LDLRAD4: variants seen among roughly 807,000 people sequenced by gnomAD.
The protein encoded by LDLRAD4 is low-density lipoprotein receptor class A domain-containing protein 4.
Under a neutral mutation model 17.0 loss-of-function variants are expected in LDLRAD4, and 5 were observed. That is an observed-to-expected ratio of 0.29 (90% CI 0.15 to 0.62). LDLRAD4 has a LOEUF of 0.62. Ranked by LOEUF, LDLRAD4 falls within the 20% of genes least tolerant of loss-of-function variation. The pLI, the probability that LDLRAD4 is intolerant of heterozygous loss-of-function variation, is 0.84. For synonymous variants in LDLRAD4, 168 were observed against 171.8 expected (o/e 0.98, Z 0.17); for missense variants, 340 against 424.7 (o/e 0.80, Z 1.75).
intron 3 of LDLRAD4, among the ~76,000 whole-genome samples, chr18:13,455,410 T>C (rs1426201200): frequency 6.6e-6 from 1 of 152,196 alleles, no homozygotes; most frequent in Non-Finnish European, 1.5e-5. Flanking sequence ...TGCTTTTTCC[T>C]GGGTTTGATG....
At chr18:13,516,796 T>A (rs2147573314) in intron 3 of LDLRAD4, among the ~76,000 whole-genome samples, 1 of 152,142 alleles carries the variant, frequency 6.6e-6, no homozygotes, top group African/African-American at 2.4e-5. Context: ...TGAAGGAGAG[T>A]GGCCTTATAT....
intron 2 of LDLRAD4, among the ~76,000 whole-genome samples, chr18:13,432,752 T>C: frequency 6.6e-6 from 1 of 152,264 alleles, no homozygotes; most frequent in East Asian, 1.9e-4. Context: ...GGTCTGGCTC[T>C]GTTGCCCAGG....
In LDLRAD4 at chr18:13,337,641, A is replaced by G. The variant is rs115690835; in HGVS notation, c.-382-49700A>G. Among the ~76,000 whole-genome samples the G allele has an allele frequency of 6.3e-3, 959 of 151,914 alleles. 9 individuals are homozygous for G. Among genetic ancestry groups the G allele is most frequent in the African/African-American group, 0.022 (901 of 41,312 alleles). On this transcript the variant is annotated intron_variant, in intron 1 of 5. Coordinates refer to ENST00000359446, the Ensembl canonical transcript of LDLRAD4. ...CGGGGGGCAGTGGCTCACACCTGTA[A>G]TATCAGCAACTTGGGAGGCCAAGGT... is the stretch of plus-strand genomic sequence containing the variant.
chr18:13,357,784 C>T (rs919777259), intron 1 of LDLRAD4, among the ~76,000 whole-genome samples: 6 of 152,110 alleles, frequency 3.9e-5, no homozygotes, highest in Admixed American at 3.9e-4. Context: ...CCTTCATCTA[C>T]CATTTGGTTA....
intron 3 of LDLRAD4, among the ~76,000 whole-genome samples, chr18:13,524,477 A>T (rs2093999595): frequency 6.6e-6 from 1 of 152,214 alleles, no homozygotes; most frequent in Admixed American, 6.5e-5. Context: ...TTAGTCTGTT[A>T]TCTGGGAACA....
intron 3 of LDLRAD4, among the ~76,000 whole-genome samples, chr18:13,584,120 C>T (rs2094903735): frequency 6.6e-6 from 1 of 152,200 alleles, no homozygotes; most frequent in South Asian, 2.1e-4. Context: ...CAGGGGAAAG[C>T]CTGTGACCGG....
intron 1 of LDLRAD4, among the ~76,000 whole-genome samples, chr18:13,379,100 C>G (rs544924247): frequency 2.6e-5 from 4 of 152,330 alleles, no homozygotes; most frequent in South Asian, 4.1e-4. Context: ...ATTTTACAGC[C>G]AAGGAAACTG....
At chr18:13,639,737 G>GTGGGT (rs2042366905) in intron 4 of LDLRAD4, among the ~76,000 whole-genome samples, 2 of 152,066 alleles carry the variant, frequency 1.3e-5, no homozygotes, top group Admixed American at 6.5e-5. Context: ...GAAAGGCCTG[G>GTGGGT]GAAAAAAAGT....
intron 3 of LDLRAD4, chr18:13,483,958 C>A (rs528308886): frequency 6.6e-6 from 1 of 152,566 alleles, no homozygotes; most frequent in Non-Finnish European, 1.5e-5. Flanking sequence ...ACCCCTGGGC[C>A]CCCTGCTTAG....
At chr18:13,334,966 T>C (rs932725146) in intron 1 of LDLRAD4, among the ~76,000 whole-genome samples, 8 of 152,358 alleles carry the variant, frequency 5.3e-5, no homozygotes, top group African/African-American at 1.9e-4. Flanking sequence ...ATTATTGATA[T>C]GACAATTATG....
chr18:13,609,015 G>A lies in LDLRAD4; in HGVS notation c.182-12102G>A, dbSNP rs74954090. Among the ~76,000 whole-genome samples, 258 of 85,108 alleles carry A rather than the reference G, an allele frequency of 3.0e-3. 5 individuals are homozygous for A. The highest frequency in any genetic ancestry group is 8.1e-3 in the African/African-American group (250 of 30,796). 55.8% of individuals were successfully genotyped at this position (85,108 alleles called of 152,430 possible). Reference sequence around the variant, plus strand: ...AGATGCCTCCTAAGCTCTGAGATGCGTTGGTGACTGCACAAAACTCATATT... The same window carrying A: ...AGATGCCTCCTAAGCTCTGAGATGCATTGGTGACTGCACAAAACTCATATT... On this transcript the variant is annotated intron_variant, in intron 3 of 5. Coordinates refer to ENST00000359446, the Ensembl canonical transcript of LDLRAD4.
At chr18:13,503,980 C>T (rs904319346) in intron 3 of LDLRAD4, among the ~76,000 whole-genome samples, 12 of 152,012 alleles carry the variant, frequency 7.9e-5, no homozygotes, top group Admixed American at 3.3e-4. Context: ...ACATGCCAGG[C>T]GCTTTGTAGA....
intron 3 of LDLRAD4, among the ~76,000 whole-genome samples, chr18:13,590,081 ATG>A (rs764009343): frequency 6.8e-6 from 1 of 146,120 alleles, no homozygotes; most frequent in African/African-American, 2.6e-5. Flanking sequence ...GTGGGTGTGC[ATG>A]TGTGGGTGTG....
At chr18:13,592,731 T>G (rs1204248809) in intron 3 of LDLRAD4, among the ~76,000 whole-genome samples, 3 of 152,240 alleles carry the variant, frequency 2.0e-5, no homozygotes, top group Non-Finnish European at 4.4e-5. Flanking sequence ...AATGTTTCAT[T>G]TAACTCTTGG....
At chr18:13,219,780 A>G (rs1430958037) in intron 1 of LDLRAD4, among the ~76,000 whole-genome samples, 7 of 152,192 alleles carry the variant, frequency 4.6e-5, no homozygotes, top group Non-Finnish European at 4.4e-5. Flanking sequence ...TCCTCTCTGT[A>G]TCTTCCCTGG....
At chr18:13,293,782 A>C (rs189318645) in intron 1 of LDLRAD4, among the ~76,000 whole-genome samples, 13 of 152,232 alleles carry the variant, frequency 8.5e-5, no homozygotes, top group African/African-American at 2.6e-4. Context: ...AGTCATTGTC[A>C]CTTCCACTGA....
At chr18:13,306,722 G>T (rs73419349) in intron 1 of LDLRAD4, among the ~76,000 whole-genome samples, 7,138 of 152,266 alleles carry the variant, frequency 0.047, 579 homozygotes, top group African/African-American at 0.16. Context: ...AATTCCTGCT[G>T]CAGAAAACTC....
chr18:13,381,662 A>G lies in LDLRAD4; in HGVS notation c.-382-5679A>G, dbSNP rs1029379432. On this transcript the variant is annotated intron_variant, in intron 1 of 5. Transcript: ENST00000359446. ...GCCGTTGCCAAGGTCTGCACTATCC[A>G]TGAGCTCTGAGGCACTCACATGGAG... is the stretch of plus-strand genomic sequence containing the variant. Among the ~76,000 whole-genome samples the G allele has an allele frequency of 1.1e-4, 17 of 152,296 alleles. No individual in the cohort carries two copies. The East Asian group carries it at 2.9e-3, about 26-fold the overall frequency.
At chr18:13,605,243 G>A (rs1359162269) in intron 3 of LDLRAD4, among the ~76,000 whole-genome samples, 2 of 152,148 alleles carry the variant, frequency 1.3e-5, no homozygotes, top group African/African-American at 2.4e-5. Context: ...AATGAGACAG[G>A]GTCTCATTCT....
Sources: gnomAD v4.1 joint callset for allele counts (sites outside exome capture counted in the v4.1 genomes callset) on GRCh38, gnomAD v4.1.1 for gene constraint, MANE v1.5 for transcripts, NCBI Gene and HGNC (gene_info 2026-07-23, HGNC 2026-07-21) for gene names.